The following MDGA2 variants were observed in gnomAD, a reference collection of about 807,000 sequenced individuals.
MDGA2 encodes the protein MAM domain-containing glycosylphosphatidylinositol anchor protein 2.
In MDGA2, 40 loss-of-function variants were observed where a neutral mutation model predicts 117.8. That is an observed-to-expected ratio of 0.34 (90% CI 0.26 to 0.44). The LOEUF (loss-of-function observed/expected upper bound fraction) is 0.44. Among genes scored for constraint, MDGA2 ranks in the 20% least tolerant of loss-of-function variants. MDGA2 has a pLI of 1.00. For synonymous variants in MDGA2, 452 were observed against 439.0 expected, an observed-to-expected ratio of 1.03 and a Z score of -0.37; for missense variants, 1,123 against 1,250.6, an observed-to-expected ratio of 0.90 and a Z score of 1.54.
intron 3 of MDGA2, among the ~76,000 whole-genome samples, chr14:47,186,754 T>A (rs1237401600): frequency 1.3e-5 from 2 of 151,994 alleles, no homozygotes; most frequent in African/African-American, 4.8e-5. Context: ...AGTAATTTAA[T>A]CCTTCTCAAA....
At chr14:47,634,300 G>T (rs1897286604) in intron 1 of MDGA2, among the ~76,000 whole-genome samples, 1 of 151,898 alleles carries the variant, frequency 6.6e-6, no homozygotes, top group Non-Finnish European at 1.5e-5. Context: ...CACTTTTCAT[G>T]TTATCATAAA....
chr14:47,633,002 T>C (rs1241307386), intron 1 of MDGA2, among the ~76,000 whole-genome samples: 3 of 152,228 alleles, frequency 2.0e-5, no homozygotes, highest in Non-Finnish European at 4.4e-5. Flanking sequence ...CATATAACTA[T>C]ATAAATGTTA....
intron 1 of MDGA2, among the ~76,000 whole-genome samples, chr14:47,370,884 T>TATTAATTTTTTTTTG (rs1891342107): frequency 6.6e-6 from 1 of 151,866 alleles, no homozygotes; most frequent in Non-Finnish European, 1.5e-5. Flanking sequence ...TTTTGTCTTA[T>TATTAATTTTTTTTTG]ATTTTTCTGA....
chr14:47,181,838 A>C (rs980722022), intron 3 of MDGA2, among the ~76,000 whole-genome samples: 1 of 152,218 alleles, frequency 6.6e-6, no homozygotes, highest in Non-Finnish European at 1.5e-5. Context: ...AATAAAAATT[A>C]AAAAGGCTAT....
In MDGA2 at chr14:47,674,879, C is replaced by T; in HGVS notation, c.-83G>A. 1.8e-6 allele frequency: 1 copy of T among 549,410 alleles called. No homozygotes were observed. The highest frequency in any genetic ancestry group is 3.2e-6 in the Non-Finnish European group (1 of 316,288). 34.0% of individuals were successfully genotyped at this position (549,410 alleles called of 1,614,324 possible). Reference sequence around the variant, plus strand: ...CACTCACACGCACGCCGCACTCACACCGGGTGCCTGGGAAAATCGCAGACG... The same window carrying T: ...CACTCACACGCACGCCGCACTCACATCGGGTGCCTGGGAAAATCGCAGACG... On this transcript the variant is annotated 5_prime_UTR_variant, in exon 1 of 17. In the 5' UTR this introduces an upstream ATG that the reference lacks. Coordinates refer to ENST00000399232, the MANE Select transcript of MDGA2 (RefSeq NM_001113498.3).
chr14:46,984,852 G>A (rs1401565082), intron 8 of MDGA2, among the ~76,000 whole-genome samples: 2 of 152,006 alleles, frequency 1.3e-5, no homozygotes, highest in Non-Finnish European at 2.9e-5. Flanking sequence ...TTTGCTAACA[G>A]TGGCAAAACT....
chr14:47,088,094 ATTT>A (rs1890974485), intron 6 of MDGA2, among the ~76,000 whole-genome samples: 1 of 152,002 alleles, frequency 6.6e-6, no homozygotes, highest in African/African-American at 2.4e-5. Context: ...TCTAGACAAA[ATTT>A]TTTATTTGAA....
chr14:47,046,986 G>C (rs921132992), intron 7 of MDGA2, among the ~76,000 whole-genome samples: 1 of 152,074 alleles, frequency 6.6e-6, no homozygotes, highest in African/African-American at 2.4e-5. Flanking sequence ...CAATGTTAGA[G>C]ATAATACCAA....
At chr14:47,624,798 T>A (rs1021422730) in intron 1 of MDGA2, among the ~76,000 whole-genome samples, 9 of 152,184 alleles carry the variant, frequency 5.9e-5, no homozygotes, top group Non-Finnish European at 8.8e-5. Flanking sequence ...GAAATGCTTC[T>A]CAGATAAAAA....
chr14:47,630,667 GAATT>G (rs1335302004), intron 1 of MDGA2, among the ~76,000 whole-genome samples: 2 of 152,102 alleles, frequency 1.3e-5, no homozygotes, highest in Non-Finnish European at 2.9e-5. Context: ...CTCTGAGAAT[GAATT>G]ATTATAATAG....
At chr14:47,201,036 C>A in intron 3 of MDGA2, 1 of 1,123,136 alleles carries the variant, frequency 8.9e-7, no homozygotes, top group East Asian at 2.4e-5. Flanking sequence ...CCTGTTTAGC[C>A]ACAATGGCCG....
chr14:47,297,673 C>G (rs1265327542), intron 2 of MDGA2, among the ~76,000 whole-genome samples: 1 of 152,008 alleles, frequency 6.6e-6, no homozygotes, highest in Non-Finnish European at 1.5e-5. Context: ...TGTAATAAAC[C>G]CTCATTAAAC....
At chr14:47,645,256 T>C (rs1897504806) in intron 1 of MDGA2, among the ~76,000 whole-genome samples, 1 of 152,178 alleles carries the variant, frequency 6.6e-6, no homozygotes, top group Non-Finnish European at 1.5e-5. Flanking sequence ...AATCCTTTTT[T>C]TTTTTTTAGA....
intron 1 of MDGA2, among the ~76,000 whole-genome samples, chr14:47,538,577 C>G (rs1423497382): frequency 1.3e-5 from 2 of 152,190 alleles, no homozygotes; most frequent in African/African-American, 4.8e-5. Flanking sequence ...GCAGCGTTTT[C>G]TCACACTCAA....
intron 1 of MDGA2, among the ~76,000 whole-genome samples, chr14:47,467,823 A>C (rs1371509128): frequency 6.6e-6 from 1 of 152,096 alleles, no homozygotes; most frequent in Non-Finnish European, 1.5e-5. Context: ...TAATATTTTA[A>C]CCTTGTTGAC....
intron 1 of MDGA2, among the ~76,000 whole-genome samples, chr14:47,480,617 C>CT (rs535524603): frequency 6.6e-6 from 1 of 150,714 alleles, no homozygotes; most frequent in Non-Finnish European, 1.5e-5. Flanking sequence ...GCATTTTTGC[C>CT]TTTTTTTTCA....
chr14:47,645,707 T>A (rs1387728829), intron 1 of MDGA2, among the ~76,000 whole-genome samples: 1 of 152,064 alleles, frequency 6.6e-6, no homozygotes, highest in African/African-American at 2.4e-5. Context: ...TGCTTACAAC[T>A]GATCAAAAGA....
chr14:46,880,340 GTAA>G, intron 11 of MDGA2, among the ~76,000 whole-genome samples: 1 of 151,710 alleles, frequency 6.6e-6, no homozygotes, highest in East Asian at 2.0e-4. Context: ...TATATATATA[GTAA>G]TAATAATATT....
At chr14:47,285,892 T>C (rs1200895258) in intron 2 of MDGA2, among the ~76,000 whole-genome samples, 1 of 152,076 alleles carries the variant, frequency 6.6e-6, no homozygotes, top group Non-Finnish European at 1.5e-5. Flanking sequence ...TTCACAGGAC[T>C]AGAAAGTGGA....
Sources: allele counts gnomAD v4.1 joint callset (sites outside exome capture counted in the v4.1 genomes callset), GRCh38; gene constraint gnomAD v4.1.1; transcripts MANE v1.5; gene names NCBI Gene and HGNC (gene_info 2026-07-23, HGNC 2026-07-21).